ELMOD1: variants seen among roughly 807,000 people sequenced by gnomAD.
The protein encoded by ELMOD1 is ELMO domain containing 1.
ELMOD1 carries 21 observed loss-of-function variants against 46.7 expected under a neutral mutation model. The observed-to-expected ratio is 0.45, with a 90% confidence interval of 0.32 to 0.65. The LOEUF (loss-of-function observed/expected upper bound fraction) is 0.65, where lower values mean the gene tolerates loss of function less well. Among genes scored for constraint, ELMOD1 ranks in the 30% least tolerant of loss-of-function variants. The pLI is 0.04. For missense variants in ELMOD1, 348 were observed against 407.8 expected (o/e 0.85, Z 1.26); for synonymous variants, 122 against 138.2 (o/e 0.88, Z 0.82).
At chr11:107,619,863 G>A (rs1216793435) in intron 2 of ELMOD1, among the ~76,000 whole-genome samples, 1 of 151,890 alleles carries the variant, frequency 6.6e-6, no homozygotes, top group Non-Finnish European at 1.5e-5. Context: ...CATGTATCTT[G>A]GAGTGTATAT....
chr11:107,646,150 C>T (rs1003253565), intron 6 of ELMOD1, among the ~76,000 whole-genome samples: 4 of 152,174 alleles, frequency 2.6e-5, no homozygotes, highest in African/African-American at 7.2e-5. Flanking sequence ...CTGAGCATTA[C>T]ATATTTATAC....
At chr11:107,609,946 C>G (rs1000615528) in intron 1 of ELMOD1, among the ~76,000 whole-genome samples, 2 of 152,102 alleles carry the variant, frequency 1.3e-5, no homozygotes, top group African/African-American at 4.8e-5. Flanking sequence ...TTGTTTTCTT[C>G]CAATTGGGAG....
intron 2 of ELMOD1, chr11:107,620,075 C>G (rs1865923300): frequency 6.6e-6 from 1 of 152,138 alleles, no homozygotes; most frequent in African/African-American, 2.4e-5. Flanking sequence ...GCAATCTTTT[C>G]ATTTGAACCA....
chr11:107,639,475 A>G (rs1866283131), intron 6 of ELMOD1, among the ~76,000 whole-genome samples: 1 of 152,194 alleles, frequency 6.6e-6, no homozygotes, highest in African/African-American at 2.4e-5. Flanking sequence ...TTAATGAAAA[A>G]CATAAAGTCC....
chr11:107,641,370 G>C (rs1341812075), intron 6 of ELMOD1, among the ~76,000 whole-genome samples: 1 of 152,104 alleles, frequency 6.6e-6, no homozygotes, highest in South Asian at 2.1e-4. Flanking sequence ...TTAATAACTT[G>C]TTTTCTAAGT....
chr11:107,612,016 G>T (rs893382960), intron 1 of ELMOD1, among the ~76,000 whole-genome samples: 5 of 152,138 alleles, frequency 3.3e-5, no homozygotes, highest in Admixed American at 1.3e-4. Context: ...CCCACTGTTG[G>T]GTATATATCC....
At chr11:107,662,725 G>A (rs1339393236) in intron 11 of ELMOD1, among the ~76,000 whole-genome samples, 2 of 151,490 alleles carry the variant, frequency 1.3e-5, no homozygotes, top group African/African-American at 2.4e-5. Flanking sequence ...AGGATTTCAA[G>A]ACCAACCTGG....
At chr11:107,647,704 A>G in intron 7 of ELMOD1, 103 bp downstream of exon 7, 1 of 1,206,082 alleles carries the variant, frequency 8.3e-7, no homozygotes, top group African/African-American at 1.5e-5. Flanking sequence ...ACTTCCCATA[A>G]GACTCAAAGA....
At chr11:107,630,783 C>A in intron 4 of ELMOD1, 55 bp downstream of exon 4, 1 of 1,532,504 alleles carries the variant, frequency 6.5e-7, no homozygotes, top group South Asian at 1.2e-5. Flanking sequence ...TTACCTTTAT[C>A]ATAAGAAGTA....
chr11:107,642,646 T>A (rs1283141885), intron 6 of ELMOD1, among the ~76,000 whole-genome samples: 3 of 152,204 alleles, frequency 2.0e-5, no homozygotes, highest in African/African-American at 7.2e-5. Context: ...ATTACAGGTG[T>A]GAGCCACCGC....
intron 6 of ELMOD1, among the ~76,000 whole-genome samples, chr11:107,645,321 G>C (rs983839787): frequency 6.6e-6 from 1 of 150,916 alleles, no homozygotes; most frequent in Non-Finnish European, 1.5e-5. Flanking sequence ...TCAGTTTCTG[G>C]TTTTTGTTTT....
chr11:107,596,094 G>A (rs903686465), intron 1 of ELMOD1, among the ~76,000 whole-genome samples: 1 of 151,996 alleles, frequency 6.6e-6, no homozygotes, highest in South Asian at 2.1e-4. Context: ...ACTTTTAAAT[G>A]TTTCCATTTT....
At chr11:107,655,801 G>A in intron 10 of ELMOD1, 132 bp from the exon 11 acceptor site, 1 of 973,406 alleles carries the variant, frequency 1.0e-6, no homozygotes, top group Non-Finnish European at 1.5e-6. Flanking sequence ...AGACCATAAA[G>A]TGACTTCCTG....
intron 5 of ELMOD1, among the ~76,000 whole-genome samples, chr11:107,635,197 G>A (rs188879013): frequency 2.2e-4 from 34 of 152,176 alleles, no homozygotes; most frequent in Non-Finnish European, 4.6e-4. Flanking sequence ...ATGACCACCT[G>A]GGGGGTGCTA....
intron 1 of ELMOD1, chr11:107,592,070 G>C: frequency 2.3e-6 from 1 of 441,174 alleles, no homozygotes; most frequent in South Asian, 1.8e-5. Context: ...CAGAGCAGTG[G>C]AGTGTGGTGG....
At chr11:107,621,869 T>A (rs1846637229) in intron 2 of ELMOD1, among the ~76,000 whole-genome samples, 1 of 151,968 alleles carries the variant, frequency 6.6e-6, no homozygotes, top group South Asian at 2.1e-4. Flanking sequence ...TCTACTAAAA[T>A]TACAAAAAAT....
chr11:107,613,443 C>T (rs1254928702), intron 1 of ELMOD1, among the ~76,000 whole-genome samples: 1 of 152,160 alleles, frequency 6.6e-6, no homozygotes, highest in African/African-American at 2.4e-5. Flanking sequence ...CTCTCAACCA[C>T]CATGCACACT....
chr11:107,649,069 C>A (rs1156476424), intron 7 of ELMOD1, among the ~76,000 whole-genome samples: 1 of 152,080 alleles, frequency 6.6e-6, no homozygotes, highest in Non-Finnish European at 1.5e-5. Context: ...TTAATAATCA[C>A]CCATTCTTTT....
In ELMOD1 at chr11:107,618,261, C is replaced by T. The variant is rs951384722; in HGVS notation, c.17+55C>T. The T allele has an allele frequency of 3.0e-5, 46 of 1,536,718 alleles. No individual in the cohort carries two copies. In the African/African-American group the frequency reaches 3.9e-4, roughly 13 times the overall value. ...CTCTGCAGTGGGAGAAACCTCCTCA[C>T]TGGTTAGGGTAATATTACCAGTCAT... On this transcript the variant is annotated intron_variant, in intron 2 of 11. Coordinates refer to ENST00000265840, the MANE Select transcript of ELMOD1 (RefSeq NM_018712.4).
Sources: gnomAD v4.1 joint callset for allele counts (sites outside exome capture counted in the v4.1 genomes callset) on GRCh38, gnomAD v4.1.1 for gene constraint, MANE v1.5 for transcripts, NCBI Gene and HGNC (gene_info 2026-07-23, HGNC 2026-07-21) for gene names.